Variants in IPP observed in about 807,000 individuals in gnomAD.
The protein encoded by IPP is actin-binding protein IPP.
IPP carries 41 observed loss-of-function variants against 64.1 expected under a neutral mutation model. The observed-to-expected ratio is 0.64, with a 90% CI of 0.50 to 0.83. IPP has a LOEUF of 0.83. Among genes scored for constraint, IPP ranks in the 40% least tolerant of loss-of-function variants. The pLI is 0.00. For missense variants in IPP, 649 were observed against 703.0 expected (o/e 0.92, Z 0.87); for synonymous variants, 214 against 235.2 (o/e 0.91, Z 0.83).
intron 8 of IPP, among the ~76,000 whole-genome samples, chr1:45,701,846 A>G (rs1645459380): frequency 6.6e-6 from 1 of 152,230 alleles, no homozygotes; most frequent in African/African-American, 2.4e-5. Context: ...CATAGGTACT[A>G]GGATAGTGCC....
chr1:45,741,189 A>G lies in IPP; in HGVS notation c.436T>C (p.Ser146Pro). ...PLNCIGIFQF[S>P]EQIACHDLLE... ...AGATCATGGCAGGCAATTTGCTCAGAGAACTGAAAAATTCCAATGCAGTTC... is the reference window on the plus strand; with the variant it reads ...AGATCATGGCAGGCAATTTGCTCAGGGAACTGAAAAATTCCAATGCAGTTC... The change falls in exon 3 of 9, where the codon TCT (serine) becomes CCT (proline). Residue 146 changes from serine to proline, a missense_variant. Ser to Pro is a moderately conservative substitution (Grantham distance 74). Coordinates refer to ENST00000396478, the MANE Select transcript of IPP (RefSeq NM_005897.3). 6.2e-7 allele frequency: 1 copy of G among 1,614,216 alleles called. No homozygotes were observed.
chr1:45,723,468 CAGA>C (rs1645760449), intron 5 of IPP, among the ~76,000 whole-genome samples: 1 of 152,154 alleles, frequency 6.6e-6, no homozygotes, highest in African/African-American at 2.4e-5. Context: ...GCAAGTGTCA[CAGA>C]AGGACCTCTG....
chr1:45,740,598 G>A (rs2148581196), intron 3 of IPP, among the ~76,000 whole-genome samples: 1 of 152,328 alleles, frequency 6.6e-6, no homozygotes, highest in South Asian at 2.1e-4. Context: ...TCTGTCAACA[G>A]CAGTGGTATG....
intron 5 of IPP, among the ~76,000 whole-genome samples, chr1:45,723,527 T>C (rs1290907263): frequency 6.6e-6 from 1 of 152,204 alleles, no homozygotes; most frequent in Admixed American, 6.5e-5. Flanking sequence ...CTATGCATAA[T>C]TGACAGAAGA....
intron 5 of IPP, among the ~76,000 whole-genome samples, chr1:45,722,541 T>A (rs566489548): frequency 2.5e-4 from 37 of 149,368 alleles, no homozygotes; most frequent in African/African-American, 7.4e-4. Flanking sequence ...CGAGACTCCA[T>A]CTCAAAAAAT....
chr1:45,727,294 C>T (rs1645841830), intron 5 of IPP, among the ~76,000 whole-genome samples: 1 of 152,202 alleles, frequency 6.6e-6, no homozygotes, highest in Non-Finnish European at 1.5e-5. Flanking sequence ...AAGTGATCCG[C>T]CTGCCTTGGC....
chr1:45,731,605 T>C (rs1645906230), intron 3 of IPP, among the ~76,000 whole-genome samples: 1 of 152,162 alleles, frequency 6.6e-6, no homozygotes, highest in Non-Finnish European at 1.5e-5. Context: ...CAGTTCAGTA[T>C]GAGCAAGATA....
chr1:45,729,970 A>G (rs1645883807), intron 3 of IPP, among the ~76,000 whole-genome samples: 2 of 152,216 alleles, frequency 1.3e-5, no homozygotes, highest in Admixed American at 6.5e-5. Context: ...AAGAATAAAA[A>G]AGGTTGTTGT....
chr1:45,736,140 G>C (rs1363600310), intron 3 of IPP, among the ~76,000 whole-genome samples: 1 of 150,576 alleles, frequency 6.6e-6, no homozygotes, highest in Non-Finnish European at 1.5e-5. Context: ...TTTTTTTGTA[G>C]AGACAGGGTC....
rs117547191 is a variant in IPP at position 45,735,133 on chromosome 1, C to T, written c.725-5364G>A. Among the ~76,000 whole-genome samples, 457 of 150,452 alleles carry T rather than the reference C, an allele frequency of 3.0e-3. 3 individuals are homozygous for T. The highest frequency in any genetic ancestry group is 0.022 in the East Asian group (112 of 4,992). On this transcript the variant is annotated intron_variant, in intron 3 of 8. Coordinates refer to ENST00000396478, the MANE Select transcript of IPP (RefSeq NM_005897.3). ...GAGTCTTGCTTTGTAACCCAGGCTCCAGTGCAGTGGTGCGATCTCAGCTCA... is the reference window on the plus strand; with the variant it reads ...GAGTCTTGCTTTGTAACCCAGGCTCTAGTGCAGTGGTGCGATCTCAGCTCA...
downstream of IPP, among the ~76,000 whole-genome samples, chr1:45,697,755 A>G (rs1645399680): frequency 6.6e-6 from 1 of 151,550 alleles, no homozygotes; most frequent in African/African-American, 2.4e-5. Flanking sequence ...TCAGGAGTTC[A>G]ACACCAGCCT....
At chr1:45,742,055 A>G (rs1024093823) in intron 2 of IPP, among the ~76,000 whole-genome samples, 1 of 152,220 alleles carries the variant, frequency 6.6e-6, no homozygotes, top group African/African-American at 2.4e-5. Flanking sequence ...GAAGGAAATC[A>G]TGTGCTTTAC....
intron 5 of IPP, among the ~76,000 whole-genome samples, chr1:45,722,298 C>T (rs921455923): frequency 6.6e-6 from 1 of 151,884 alleles, no homozygotes; most frequent in Non-Finnish European, 1.5e-5. Flanking sequence ...ACCCTGTAAT[C>T]CCAGCACTTT....
intron 8 of IPP, among the ~76,000 whole-genome samples, chr1:45,711,684 A>T (rs1645592484): frequency 6.6e-6 from 1 of 151,596 alleles, no homozygotes; most frequent in Non-Finnish European, 1.5e-5. Flanking sequence ...AACCCAGGAG[A>T]CAGAGGTTGC....
At chr1:45,721,997 A>G (rs558443714) in intron 5 of IPP, among the ~76,000 whole-genome samples, 5 of 152,240 alleles carry the variant, frequency 3.3e-5, no homozygotes, top group African/African-American at 4.8e-5. Flanking sequence ...TGAACCCGAG[A>G]GGCAGAGGTT....
At chr1:45,724,462 C>T (rs1645779079) in intron 5 of IPP, among the ~76,000 whole-genome samples, 1 of 150,602 alleles carries the variant, frequency 6.6e-6, no homozygotes, top group Non-Finnish European at 1.5e-5. Context: ...GTGAGGAGCC[C>T]CTCTGCCTGG....
chr1:45,722,617 AAT>A (rs1246798468), intron 5 of IPP, among the ~76,000 whole-genome samples: 1 of 152,004 alleles, frequency 6.6e-6, no homozygotes, highest in Non-Finnish European at 1.5e-5. Flanking sequence ...AGTTAATAAC[AAT>A]ATATATCTCA....
In IPP at chr1:45,700,311, G is replaced by C. The variant is rs922477433; in HGVS notation, c.1531-121C>G. 3.7e-6 allele frequency: 5 copies of C among 1,345,332 alleles called. No homozygotes were observed. The South Asian group carries it at 7.8e-5, about 21-fold the overall frequency. 83.3% of individuals were successfully genotyped at this position (1,345,332 alleles called of 1,614,324 possible). A position where few individuals can be genotyped will look rare whatever the true frequency, so the allele number is the denominator to read the frequency against. On this transcript the variant is annotated intron_variant, in intron 8 of 8. Transcript: ENST00000396478. ...GTTTAAATGTAAAACTATCTAGTCA[G>C]GTAAGCATACAGATTTTTTTTTCTT... is the stretch of plus-strand genomic sequence containing the variant.
chr1:45,747,941 G>A (rs951540449), intron 1 of IPP, among the ~76,000 whole-genome samples: 1 of 149,078 alleles, frequency 6.7e-6, no homozygotes, highest in Non-Finnish European at 1.5e-5. Context: ...TTGTAATTTA[G>A]GTATCAATGA....
Sources: gnomAD v4.1 joint callset for allele counts (sites outside exome capture counted in the v4.1 genomes callset) on GRCh38, gnomAD v4.1.1 for gene constraint, MANE v1.5 for transcripts, NCBI Gene and HGNC (gene_info 2026-07-23, HGNC 2026-07-21) for gene names.